Variants in ERC2 observed in about 807,000 individuals in gnomAD.
ERC2 encodes the protein ERC protein 2.
ERC2 carries 42 observed loss-of-function variants against 114.8 expected under a neutral mutation model. The observed-to-expected ratio is 0.37, with a 90% CI of 0.29 to 0.47. ERC2 has a LOEUF of 0.47. Ranked by LOEUF, ERC2 falls within the 20% of genes least tolerant of loss-of-function variation. The pLI, the probability that ERC2 is intolerant of heterozygous loss-of-function variation, is 0.99. For synonymous variants in ERC2, 454 were observed against 425.5 expected (o/e 1.07, Z -0.82); for missense variants, 939 against 1,150.7 (o/e 0.82, Z 2.66).
At chr3:56,133,773 A>G (rs935175042) in intron 6 of ERC2, among the ~76,000 whole-genome samples, 2 of 152,248 alleles carry the variant, frequency 1.3e-5, no homozygotes, top group Non-Finnish European at 2.9e-5. Flanking sequence ...ATAAAATTAC[A>G]TTTAAAAGGC....
chr3:56,255,205 G>C (rs1040258556), intron 3 of ERC2, among the ~76,000 whole-genome samples: 1 of 152,070 alleles, frequency 6.6e-6, no homozygotes, highest in Non-Finnish European at 1.5e-5. Context: ...GTGGCCTCTG[G>C]GGCACACTTG....
intron 12 of ERC2, among the ~76,000 whole-genome samples, chr3:55,965,003 A>G (rs2068648796): frequency 6.6e-6 from 1 of 152,216 alleles, no homozygotes; most frequent in Non-Finnish European, 1.5e-5. Flanking sequence ...CTCTGCTGAG[A>G]TGAAGTTTCA....
At chr3:55,979,348 C>T (rs6770141) in intron 12 of ERC2, among the ~76,000 whole-genome samples, 67,832 of 151,992 alleles carry the variant, frequency 0.45, 15,361 homozygotes, top group Middle Eastern at 0.55. Context: ...TTCTCAAAAC[C>T]TGAAAAAGGG....
At chr3:56,129,272 A>C (rs568078221) in intron 6 of ERC2, among the ~76,000 whole-genome samples, 2 of 152,344 alleles carry the variant, frequency 1.3e-5, no homozygotes, top group Admixed American at 1.3e-4. Flanking sequence ...TTTGCTGTGT[A>C]AATATACGTA....
chr3:55,730,777 G>C (rs1187050922), intron 15 of ERC2, among the ~76,000 whole-genome samples: 1 of 152,216 alleles, frequency 6.6e-6, no homozygotes, highest in Non-Finnish European at 1.5e-5. Flanking sequence ...CTTGAGTTCA[G>C]GAGGTAGTGG....
At chr3:55,641,195 T>C (rs1381395450) in intron 17 of ERC2, among the ~76,000 whole-genome samples, 2 of 152,140 alleles carry the variant, frequency 1.3e-5, no homozygotes, top group Non-Finnish European at 2.9e-5. Context: ...CCAATGCCAT[T>C]GTTTTTAGCC....
chr3:56,041,739 C>A (rs1223087608), intron 7 of ERC2, among the ~76,000 whole-genome samples: 2 of 152,130 alleles, frequency 1.3e-5, no homozygotes, highest in African/African-American at 2.4e-5. Flanking sequence ...AGGAAACTCA[C>A]CATGATGCCG....
chr3:56,120,262 C>A (rs1353463113), intron 6 of ERC2, among the ~76,000 whole-genome samples: 1 of 152,160 alleles, frequency 6.6e-6, no homozygotes, highest in Admixed American at 6.5e-5. Flanking sequence ...CGCCGGCTCT[C>A]CAGTTATGAC....
chr3:56,317,099 T>C (rs2056900422), intron 2 of ERC2, among the ~76,000 whole-genome samples: 1 of 152,046 alleles, frequency 6.6e-6, no homozygotes, highest in Admixed American at 6.5e-5. Context: ...GGAGACGCAA[T>C]CACAACAGAA....
intron 2 of ERC2, among the ~76,000 whole-genome samples, chr3:56,380,373 T>C (rs986658263): frequency 1.3e-5 from 2 of 152,116 alleles, no homozygotes; most frequent in African/African-American, 4.8e-5. Flanking sequence ...TCATCTCCAA[T>C]TCATACAGGG....
chr3:55,964,202 T>C (rs1384501779), intron 12 of ERC2, among the ~76,000 whole-genome samples: 1 of 152,194 alleles, frequency 6.6e-6, no homozygotes, highest in Non-Finnish European at 1.5e-5. Context: ...CATCCTTACA[T>C]GGAGGGCACT....
chr3:56,462,914 T>C (rs2063380363), intron 1 of ERC2, among the ~76,000 whole-genome samples: 2 of 152,100 alleles, frequency 1.3e-5, no homozygotes, highest in Admixed American at 6.5e-5. Context: ...CCTTCCAGGC[T>C]CCAGCTTTGC....
chr3:55,884,824 C>T (rs2063288858), intron 14 of ERC2, among the ~76,000 whole-genome samples: 1 of 152,068 alleles, frequency 6.6e-6, no homozygotes, highest in Admixed American at 6.5e-5. Context: ...CCTCTCCTTT[C>T]AAAAGCCCCC....
intron 14 of ERC2, among the ~76,000 whole-genome samples, chr3:55,802,966 A>T (rs1431420015): frequency 3.9e-5 from 6 of 152,230 alleles, no homozygotes; most frequent in Non-Finnish European, 7.3e-5. Flanking sequence ...TTGACCGTAT[A>T]TCATTACGAT....
intron 2 of ERC2, among the ~76,000 whole-genome samples, chr3:56,408,014 A>G (rs1232135015): frequency 6.6e-6 from 1 of 152,192 alleles, no homozygotes; most frequent in Non-Finnish European, 1.5e-5. Context: ...CTGCATGTAT[A>G]TGGCTTATAG....
At chr3:56,257,969 G>A (rs1056757204) in intron 3 of ERC2, among the ~76,000 whole-genome samples, 10 of 152,154 alleles carry the variant, frequency 6.6e-5, no homozygotes, top group African/African-American at 1.9e-4. Context: ...TTCTGAATGC[G>A]TCCCTGTGCT....
intron 1 of ERC2, among the ~76,000 whole-genome samples, chr3:56,458,495 C>T (rs374974894): frequency 3.3e-5 from 5 of 152,302 alleles, no homozygotes; most frequent in African/African-American, 1.2e-4. Context: ...AGTTATTTCT[C>T]AGCTTTAACA....
chr3:56,337,090 T>C (rs2057885929), intron 2 of ERC2, among the ~76,000 whole-genome samples: 1 of 152,142 alleles, frequency 6.6e-6, no homozygotes, highest in African/African-American at 2.4e-5. Flanking sequence ...TGAGGCAAAC[T>C]CTCAGTACCA....
intron 3 of ERC2, among the ~76,000 whole-genome samples, chr3:56,201,011 T>C (rs554759441): frequency 2.0e-5 from 3 of 152,334 alleles, no homozygotes; most frequent in East Asian, 1.9e-4. Context: ...ACCTTACTCA[T>C]GTGACCTCCC....
Sources: allele counts gnomAD v4.1 joint callset (sites outside exome capture counted in the v4.1 genomes callset), GRCh38; gene constraint gnomAD v4.1.1; transcripts MANE v1.5; gene names NCBI Gene and HGNC (gene_info 2026-07-23, HGNC 2026-07-21).